Variants in RAPGEF4 observed in about 807,000 individuals in gnomAD.
RAPGEF4 encodes the protein RAP guanine-nucleotide-exchange factor (GEF) 4.
Under a neutral mutation model 147.9 loss-of-function variants are expected in RAPGEF4, and 66 were observed. That is an observed-to-expected ratio of 0.45 (90% CI 0.37 to 0.55). The LOEUF is 0.55. Among genes scored for constraint, RAPGEF4 ranks in the 20% least tolerant of loss-of-function variants. RAPGEF4 has a pLI of 0.00. For synonymous variants in RAPGEF4, 419 were observed against 442.7 expected, an observed-to-expected ratio of 0.95 and a Z score of 0.67; for missense variants, 1,071 against 1,257.3, an observed-to-expected ratio of 0.85 and a Z score of 2.24.
chr2:172,768,957 G>A lies in RAPGEF4; in HGVS notation c.66-26068G>A, dbSNP rs563217228. 1.1e-4 allele frequency among the ~76,000 whole-genome samples: 17 copies of A among 152,284 alleles called. No homozygotes were observed. The South Asian group carries it at 1.5e-3, about 13-fold the overall frequency. ...AGAGAACTGAATACCATCATGAGAC[G>A]ACGAGCATGCCACCCACAGAAGCAC... On this transcript the variant is annotated intron_variant, in intron 1 of 30. Transcript: ENST00000397081.
At chr2:172,735,409 AG>A (rs1693663288), upstream of RAPGEF4, 1 of 152,288 alleles carries the variant, frequency 6.6e-6, no homozygotes, top group Non-Finnish European at 1.5e-5. Context: ...AGCAAAGGTG[AG>A]CAAGCAACCG....
At chr2:172,838,881 A>G (rs1229686259) in intron 4 of RAPGEF4, among the ~76,000 whole-genome samples, 1 of 152,082 alleles carries the variant, frequency 6.6e-6, no homozygotes, top group African/African-American at 2.4e-5. Context: ...TTTGAACCAT[A>G]TGTTGTTCTT....
chr2:172,926,075 G>T (rs1685333801), intron 6 of RAPGEF4, among the ~76,000 whole-genome samples: 1 of 148,576 alleles, frequency 6.7e-6, no homozygotes, highest in Non-Finnish European at 1.5e-5. Flanking sequence ...AGTCAGGCAG[G>T]CAGACAGGAA....
chr2:172,885,002 G>T (rs967590464), intron 4 of RAPGEF4, among the ~76,000 whole-genome samples: 1 of 152,208 alleles, frequency 6.6e-6, no homozygotes, highest in African/African-American at 2.4e-5. Flanking sequence ...ACAGTGGACT[G>T]CCCCCTGTCC....
At chr2:173,041,243 T>C (rs191870851) in intron 29 of RAPGEF4, among the ~76,000 whole-genome samples, 2 of 152,284 alleles carry the variant, frequency 1.3e-5, no homozygotes, top group East Asian at 3.9e-4. Context: ...AGCACTTCAC[T>C]TGTTACCTCA....
At chr2:172,976,265 G>A (rs990898461) in intron 10 of RAPGEF4, among the ~76,000 whole-genome samples, 2 of 152,124 alleles carry the variant, frequency 1.3e-5, no homozygotes, top group Admixed American at 1.3e-4. Context: ...CACTTTAAAT[G>A]TGCAGTCACC....
chr2:172,943,320 CCTTTA>C (rs890562506), intron 6 of RAPGEF4, among the ~76,000 whole-genome samples: 9 of 152,042 alleles, frequency 5.9e-5, no homozygotes, highest in African/African-American at 2.2e-4. Context: ...TAGAGAATTG[CCTTTA>C]CTTTAAGGGG....
chr2:172,920,872 A>G (rs1392807708), intron 5 of RAPGEF4, among the ~76,000 whole-genome samples: 1 of 152,126 alleles, frequency 6.6e-6, no homozygotes, highest in Admixed American at 6.5e-5. Flanking sequence ...ACCTGAGGCC[A>G]TCCTTCCTCT....
intron 29 of RAPGEF4, chr2:173,048,390 C>A: frequency 9.1e-7 from 1 of 1,102,048 alleles, no homozygotes; most frequent in Non-Finnish European, 1.2e-6. Flanking sequence ...ATTAATATTC[C>A]TTACCTGAAA....
In RAPGEF4 at chr2:172,795,051, T is replaced by C. The variant is rs1686231916; in HGVS notation, c.92T>C (p.Val31Ala). ...CCACTGGAGCGATCCAGCGAAGATG[T>C]GGATATAATCTTCACTCGACTGAAA... is the stretch of plus-strand genomic sequence containing the variant. ...KRPLERSSED[V>A]DIIFTRLKEV... Residue 31 changes from valine (V) to alanine (A), a missense_variant, in exon 2 of 31, where the codon GTG (valine) becomes GCG (alanine). Transcript: ENST00000397081. The C allele has an allele frequency of 6.2e-7, 1 of 1,613,904 alleles. No individual in the cohort carries two copies. The highest frequency in any genetic ancestry group is 8.5e-7 in the Non-Finnish European group (1 of 1,179,912).
At chr2:173,001,133 C>CCATATAAACT in intron 16 of RAPGEF4, 133 bp from the exon 17 acceptor site, 1 of 1,305,588 alleles carries the variant, frequency 7.7e-7, no homozygotes, top group Non-Finnish European at 1.0e-6. Context: ...TGAAGTGCTT[C>CCATATAAACT]CATGTAAAGT....
intron 1 of RAPGEF4, among the ~76,000 whole-genome samples, chr2:172,778,218 T>C (rs551347803): frequency 6.6e-6 from 1 of 152,322 alleles, no homozygotes; most frequent in Non-Finnish European, 1.5e-5. Flanking sequence ...ATGCCTACCT[T>C]GATTTGCTAA....
intron 4 of RAPGEF4, among the ~76,000 whole-genome samples, chr2:172,869,472 T>G (rs1005164495): frequency 1.3e-5 from 2 of 152,180 alleles, no homozygotes; most frequent in Non-Finnish European, 2.9e-5. Flanking sequence ...ACATCTTGCA[T>G]GGAGTTAATG....
rs545198115 is a variant in RAPGEF4, at chr2:172,892,192, G to A, written c.445-25610G>A. Among the ~76,000 whole-genome samples, 35 of 152,272 alleles carry A rather than the reference G, an allele frequency of 2.3e-4. 1 individual carries two copies. Among genetic ancestry groups the A allele is most frequent in the African/African-American group, 6.7e-4 (28 of 41,574 alleles). ...AGCATCCACTGGCAGATGCTTGCCCGTTCCCCTGAGAACTCTGTCCCTGAG... is the reference window on the plus strand; with the variant it reads ...AGCATCCACTGGCAGATGCTTGCCCATTCCCCTGAGAACTCTGTCCCTGAG... On this transcript the variant is annotated intron_variant, in intron 4 of 30. Transcript: ENST00000397081.
chr2:172,885,587 G>A lies in RAPGEF4; in HGVS notation c.445-32215G>A, dbSNP rs569229888. On this transcript the variant is annotated intron_variant, in intron 4 of 30. Coordinates refer to ENST00000397081, the MANE Select transcript of RAPGEF4 (RefSeq NM_007023.4). Reference sequence around the variant, plus strand: ...AGGCAAAAGGCACTTCTTATGTGGCGGCGGCAAGAGAGAAAATGAGAGCCA... The same window carrying A: ...AGGCAAAAGGCACTTCTTATGTGGCAGCGGCAAGAGAGAAAATGAGAGCCA... Among the ~76,000 whole-genome samples the A allele has an allele frequency of 1.6e-4, 24 of 152,272 alleles. No individual in the cohort carries two copies. The South Asian group carries it at 4.1e-3, about 26-fold the overall frequency.
At chr2:172,850,543 G>A (rs1341111327) in intron 4 of RAPGEF4, among the ~76,000 whole-genome samples, 3 of 151,950 alleles carry the variant, frequency 2.0e-5, no homozygotes, top group Non-Finnish European at 1.5e-5. Flanking sequence ...GCATGAACCC[G>A]GGAGGCGGAG....
intron 6 of RAPGEF4, among the ~76,000 whole-genome samples, chr2:172,934,838 A>C (rs2150107165): frequency 6.6e-6 from 1 of 152,184 alleles, no homozygotes; most frequent in East Asian, 1.9e-4. Flanking sequence ...ATAACTCCAG[A>C]CTTCTAAGTT....
intron 17 of RAPGEF4, among the ~76,000 whole-genome samples, chr2:173,003,483 G>T (rs1694148021): frequency 6.6e-6 from 1 of 152,106 alleles, no homozygotes; most frequent in African/African-American, 2.4e-5. Context: ...GTTCTATTTT[G>T]AATCAGCTCT....
chr2:173,034,171 CA>C (rs775015022), intron 27 of RAPGEF4, among the ~76,000 whole-genome samples: 37 of 152,206 alleles, frequency 2.4e-4, no homozygotes, highest in Non-Finnish European at 4.9e-4. Flanking sequence ...TTATGTCCCA[CA>C]TAAGGTCAAT....
Sources: gnomAD v4.1 joint callset for allele counts (sites outside exome capture counted in the v4.1 genomes callset) on GRCh38, gnomAD v4.1.1 for gene constraint, MANE v1.5 for transcripts, NCBI Gene and HGNC (gene_info 2026-07-23, HGNC 2026-07-21) for gene names.